The following PTPRE variants were observed in gnomAD, a reference collection of about 807,000 sequenced individuals.
PTPRE encodes protein tyrosine phosphatase receptor type E, also known as receptor-type tyrosine-protein phosphatase epsilon.
PTPRE carries 51 observed loss-of-function variants against 102.0 expected under a neutral mutation model. That is an observed-to-expected ratio of 0.50 (90% CI 0.40 to 0.63). PTPRE has a LOEUF of 0.63. Ranked by LOEUF, PTPRE falls within the 30% of genes least tolerant of loss-of-function variation. The pLI is 0.00. For synonymous variants in PTPRE, 345 were observed against 348.2 expected, an observed-to-expected ratio of 0.99 and a Z score of 0.10; for missense variants, 752 against 915.1, an observed-to-expected ratio of 0.82 and a Z score of 2.30.
In PTPRE at chr10:128,070,566, A is replaced by G; in HGVS notation, c.1293+116A>G. ...TCACTTGCCCCTTAACTGACCTCAG[A>G]AAAAGCAGGGGCAATACCTGAGCCA... On this transcript the variant is annotated intron_variant, in intron 14 of 20. Coordinates refer to ENST00000254667, the MANE Select transcript of PTPRE (RefSeq NM_006504.6). This position sits in a 1 kb window ranked among gnomAD's most constrained non-coding sequence, Gnocchi z 4.8. The G allele has an allele frequency of 7.3e-7, 1 of 1,376,694 alleles. No individual in the cohort carries two copies. Among genetic ancestry groups the G allele is most frequent in the Non-Finnish European group, 9.7e-7 (1 of 1,027,734 alleles). 85.3% of individuals were successfully genotyped at this position (1,376,694 alleles called of 1,614,324 possible). A position where few individuals can be genotyped will look rare whatever the true frequency, so the allele number is the denominator to read the frequency against.
At chr10:128,026,138 G>A (rs1564897697) in intron 2 of PTPRE, among the ~76,000 whole-genome samples, 1 of 152,166 alleles carries the variant, frequency 6.6e-6, no homozygotes, top group Non-Finnish European at 1.5e-5. Context: ...GCCCAGGTGG[G>A]CCCCAGGCTG....
intron 1 of PTPRE, among the ~76,000 whole-genome samples, chr10:127,973,190 T>C (rs909384517): frequency 6.6e-6 from 1 of 152,234 alleles, no homozygotes; most frequent in African/African-American, 2.4e-5. Context: ...AGGGATTCAT[T>C]ACTGGTTCAC....
chr10:128,053,678 G>C (rs1407868081), intron 6 of PTPRE, among the ~76,000 whole-genome samples: 1 of 152,178 alleles, frequency 6.6e-6, no homozygotes, highest in East Asian at 1.9e-4. Context: ...CCAGGAACAC[G>C]CAACCGTGGG....
intron 1 of PTPRE, among the ~76,000 whole-genome samples, chr10:127,942,554 G>T (rs764840051): frequency 7.2e-5 from 11 of 152,244 alleles, no homozygotes; most frequent in Non-Finnish European, 1.5e-4. Flanking sequence ...AAAGGAAGGA[G>T]CTCCTCTCAT....
At chr10:128,068,099 C>T (rs1187079458) in intron 11 of PTPRE, 24 bp from the exon 12 acceptor site, 2 of 1,601,614 alleles carry the variant, frequency 1.2e-6, no homozygotes, top group Admixed American at 1.7e-5. Flanking sequence ...TTCACCCACT[C>T]TTGTCTCCCC....
At chr10:127,911,808 T>C (rs888238914) in intron 1 of PTPRE, among the ~76,000 whole-genome samples, 3 of 152,138 alleles carry the variant, frequency 2.0e-5, no homozygotes, top group Non-Finnish European at 2.9e-5. Context: ...TGCTGCCAAT[T>C]TTAGGTACTG....
intron 2 of PTPRE, among the ~76,000 whole-genome samples, chr10:127,996,325 C>A (rs916852162): frequency 6.6e-6 from 1 of 152,200 alleles, no homozygotes; most frequent in Non-Finnish European, 1.5e-5. Context: ...CCGTCAAAAT[C>A]GCTTTCCACC....
intron 3 of PTPRE, among the ~76,000 whole-genome samples, chr10:128,041,209 C>CT (rs1847662992): frequency 6.6e-6 from 1 of 152,170 alleles, no homozygotes; most frequent in Non-Finnish European, 1.5e-5. Flanking sequence ...GGTGACCCAT[C>CT]TACAACCCCA....
intron 17 of PTPRE, among the ~76,000 whole-genome samples, chr10:128,074,862 C>G (rs1285799313): frequency 6.6e-6 from 1 of 152,116 alleles, no homozygotes; most frequent in Non-Finnish European, 1.5e-5. Flanking sequence ...AGTAGCTGCC[C>G]CATTTTACAT....
intron 1 of PTPRE, among the ~76,000 whole-genome samples, chr10:127,951,086 A>AAAAT (rs1253493503): frequency 6.6e-6 from 1 of 151,888 alleles, no homozygotes; most frequent in African/African-American, 2.4e-5. Flanking sequence ...CAAAAAAATA[A>AAAAT]AAATAAATAA....
intron 2 of PTPRE, among the ~76,000 whole-genome samples, chr10:128,035,369 T>C (rs748191450): frequency 6.6e-6 from 1 of 152,212 alleles, no homozygotes; most frequent in Non-Finnish European, 1.5e-5. Flanking sequence ...AACTACTTAA[T>C]AGCCTCCCAG....
chr10:128,037,453 G>T (rs376760211), intron 2 of PTPRE, among the ~76,000 whole-genome samples: 1 of 152,176 alleles, frequency 6.6e-6, no homozygotes, highest in Non-Finnish European at 1.5e-5. Context: ...GCATGGGAGT[G>T]GGGTATCAGG....
At chr10:127,960,307 G>A (rs954177732) in intron 1 of PTPRE, among the ~76,000 whole-genome samples, 10 of 152,358 alleles carry the variant, frequency 6.6e-5, no homozygotes, top group African/African-American at 2.2e-4. Flanking sequence ...AGTGAGCGCT[G>A]AGTTAGATTC....
At chr10:128,075,251 C>A (rs74232760) in intron 17 of PTPRE, among the ~76,000 whole-genome samples, 15 of 152,174 alleles carry the variant, frequency 9.9e-5, no homozygotes, top group Non-Finnish European at 1.6e-4. Flanking sequence ...GGTTTCATTT[C>A]GTTGTTTTAC....
At chr10:127,977,653 G>GGAGGCTCATGC (rs1851280840) in intron 1 of PTPRE, among the ~76,000 whole-genome samples, 1 of 152,226 alleles carries the variant, frequency 6.6e-6, no homozygotes, top group South Asian at 2.1e-4. Context: ...GATTCTAAAT[G>GGAGGCTCATGC]CTGTAGTTTT....
At chr10:128,058,411 C>T (rs1849200212) in intron 7 of PTPRE, among the ~76,000 whole-genome samples, 1 of 152,220 alleles carries the variant, frequency 6.6e-6, no homozygotes, top group African/African-American at 2.4e-5. Flanking sequence ...TTCTAGATTC[C>T]CCTGTAAGAT....
intron 2 of PTPRE, among the ~76,000 whole-genome samples, chr10:128,033,230 T>C (rs1418992651): frequency 6.6e-6 from 1 of 152,208 alleles, no homozygotes; most frequent in Non-Finnish European, 1.5e-5. Context: ...TATTCTCAGC[T>C]AATTTTGCTC....
intron 3 of PTPRE, among the ~76,000 whole-genome samples, chr10:128,043,116 C>T (rs1415083351): frequency 6.6e-6 from 1 of 152,066 alleles, no homozygotes; most frequent in African/African-American, 2.4e-5. Context: ...TAATGGAAGA[C>T]AGTTTTTCCG....
intron 2 of PTPRE, among the ~76,000 whole-genome samples, chr10:128,009,353 G>A (rs1844782351): frequency 6.6e-6 from 1 of 152,252 alleles, no homozygotes; most frequent in Non-Finnish European, 1.5e-5. Flanking sequence ...AACGGCAGGT[G>A]AGCTTGATGT....
Sources: gnomAD v4.1 joint callset for allele counts (sites outside exome capture counted in the v4.1 genomes callset) on GRCh38, gnomAD v4.1.1 for gene constraint, Gnocchi (gnomAD v3.1) non-coding constraint, MANE v1.5 for transcripts, NCBI Gene and HGNC (gene_info 2026-07-23, HGNC 2026-07-21) for gene names.